The following KLHL22 variants were observed in gnomAD, a reference collection of about 807,000 sequenced individuals.
KLHL22 encodes the protein kelch-like protein 22.
KLHL22 carries 18 observed loss-of-function variants against 60.7 expected under a neutral mutation model. The ratio of observed to expected loss-of-function variants is 0.30; its 90% confidence interval spans 0.20 to 0.44. The LOEUF is 0.44. Ranked by LOEUF, KLHL22 falls within the 20% of genes least tolerant of loss-of-function variation. KLHL22 has a pLI of 1.00. For missense variants in KLHL22, 596 were observed against 852.3 expected (o/e 0.70, Z 3.74); for synonymous variants, 355 against 354.5 (o/e 1.00, Z -0.01).
intron 2 of KLHL22, chr22:20,484,055 GC>G: frequency 1.0e-6 from 1 of 965,816 alleles, no homozygotes; most frequent in Non-Finnish European, 1.6e-6. Context: ...CCTGGACAGA[GC>G]CCAGGGACCA....
Position 20,465,283 on chromosome 22 carries a change from A to C in KLHL22, c.687T>G (p.Ala229=), listed in dbSNP as rs553078773. The change falls in exon 4 of 7, where the codon GCT becomes GCG. Residue 229 remains alanine (A), a synonymous_variant. Transcript: ENST00000328879. This position sits in a 1 kb window ranked among gnomAD's most constrained non-coding sequence, Gnocchi z 4.9. The part of the protein sequence containing the change: ...LYHYSLEQVQ[A]DQISLHEPPK... ...GGGGCTCGTGCAGCGAGATCTGGTC[A>C]GCCTGCACCTGCTCCAGGCTATAAT... 6.8e-6 allele frequency: 11 copies of C among 1,614,098 alleles called. No homozygotes were observed. In the South Asian group the frequency reaches 9.9e-5, roughly 14 times the overall value.
At chr22:20,452,537 G>T (rs1911906858) in intron 5 of KLHL22, among the ~76,000 whole-genome samples, 2 of 152,182 alleles carry the variant, frequency 1.3e-5, no homozygotes, top group Admixed American at 1.3e-4. Context: ...TTCTTTGAAT[G>T]ATCTTTTTAT....
At chr22:20,483,221 T>C (rs1480584593) in intron 2 of KLHL22, 2 of 673,602 alleles carry the variant, frequency 3.0e-6, no homozygotes, top group South Asian at 1.5e-5. Context: ...AACTCCGTGA[T>C]TGTCATCTCA....
At position 20,461,285 on chromosome 22, in the gene KLHL22, G is replaced by A. The variant is rs921723685; in HGVS notation, c.1113-3285C>T. Among the ~76,000 whole-genome samples, 5 of 152,272 alleles carry A rather than the reference G, an allele frequency of 3.3e-5. No individual in the cohort carries two copies. In the East Asian group the frequency reaches 9.6e-4, roughly 29 times the overall value. ...TCATTAGACTGTGGCCAGGCACGGT[G>A]GCTCACGCCTGTAATCCCAGCACTT... On this transcript the variant is annotated intron_variant, in intron 4 of 6. Transcript: ENST00000328879.
intron 5 of KLHL22, among the ~76,000 whole-genome samples, chr22:20,447,476 G>A (rs1020233335): frequency 2.0e-5 from 3 of 152,112 alleles, no homozygotes; most frequent in East Asian, 1.9e-4. Flanking sequence ...CAGTGGGGAG[G>A]AAGAACACAC....
chr22:20,465,130 C>T lies in KLHL22; in HGVS notation c.840G>A (p.Glu280=). The T allele has an allele frequency of 6.2e-7, 1 of 1,613,988 alleles. No individual in the cohort carries two copies. Among genetic ancestry groups the T allele is most frequent in the Non-Finnish European group, 8.5e-7 (1 of 1,180,040 alleles). The change falls in exon 4 of 7, where the codon GAG becomes GAA. Residue 280 remains glutamate (E), a synonymous_variant. Coordinates refer to ENST00000328879, the MANE Select transcript of KLHL22 (RefSeq NM_032775.4). This position sits in a 1 kb window ranked among gnomAD's most constrained non-coding sequence, Gnocchi z 4.9. ...VASALMYHRN[E]SLQPSLQSPQ... is the part of the protein sequence containing the mutation. ...GGCTCTGCAGGCTGGGCTGTAGGCT[C>T]TCGTTCCGGTGGTACATGAGGGCGC...
At chr22:20,487,888 C>T (rs896140962) in intron 2 of KLHL22, among the ~76,000 whole-genome samples, 2 of 152,186 alleles carry the variant, frequency 1.3e-5, no homozygotes, top group African/African-American at 4.8e-5. Flanking sequence ...TGGCCATCCT[C>T]TCCTATACAG....
intron 3 of KLHL22, among the ~76,000 whole-genome samples, chr22:20,470,681 TG>T (rs1265176507): frequency 1.3e-5 from 1 of 78,982 alleles, no homozygotes. Flanking sequence ...GATGGATGGG[TG>T]GATGGATGGA....
chr22:20,461,509 C>T (rs946931500), intron 4 of KLHL22, among the ~76,000 whole-genome samples: 10 of 127,344 alleles, frequency 7.9e-5, no homozygotes, highest in South Asian at 2.5e-4. Context: ...GCTGAGATCA[C>T]GCCACTGCAC....
chr22:20,447,544 C>CTTTTTT (rs11463939), intron 5 of KLHL22, among the ~76,000 whole-genome samples: 8 of 135,444 alleles, frequency 5.9e-5, no homozygotes, highest in East Asian at 4.5e-4. Context: ...GGAGGTTTTT[C>CTTTTTT]TTTTTTTTTT....
intron 6 of KLHL22, among the ~76,000 whole-genome samples, chr22:20,445,353 G>A (rs5753167): frequency 0.065 from 9,859 of 151,632 alleles, 822 homozygotes; most frequent in East Asian, 0.46. Flanking sequence ...GATTACAGGC[G>A]CCCATCACCG....
At chr22:20,478,730 G>C (rs1737672421) in intron 2 of KLHL22, among the ~76,000 whole-genome samples, 1 of 146,980 alleles carries the variant, frequency 6.8e-6, no homozygotes, top group African/African-American at 2.5e-5. Flanking sequence ...TAGCCAGGAT[G>C]GTCTCGATCT....
chr22:20,464,475 G>A (rs535342244), intron 4 of KLHL22, among the ~76,000 whole-genome samples: 20 of 152,264 alleles, frequency 1.3e-4, no homozygotes, highest in African/African-American at 4.8e-4. Flanking sequence ...GCATGATGGA[G>A]GGCGAGGCTG....
chr22:20,485,995 T>G (rs182041468), intron 2 of KLHL22, among the ~76,000 whole-genome samples: 5 of 151,096 alleles, frequency 3.3e-5, no homozygotes, highest in African/African-American at 1.2e-4. Context: ...GGTGAAACCC[T>G]GTCTCTACTA....
rs1437084842 is a variant in KLHL22, at chr22:20,470,161, AG to A, written c.393+1188del. Among the ~76,000 whole-genome samples, 6 of 149,022 alleles carry A rather than the reference AG, an allele frequency of 4.0e-5. No individual in the cohort carries two copies. The East Asian group carries it at 9.7e-4, about 24-fold the overall frequency. On this transcript the variant is annotated intron_variant, in intron 3 of 6. Transcript: ENST00000328879. ...TGAGACCAGCCTGGGCAACATAACA[AG>A]GCCCCATTCCTATAAAAAAATATAT...
At chr22:20,461,337 A>C (rs779495467) in intron 4 of KLHL22, among the ~76,000 whole-genome samples, 4 of 150,982 alleles carry the variant, frequency 2.6e-5, no homozygotes, top group Non-Finnish European at 5.9e-5. Context: ...GAGGATCATG[A>C]GGTCAGGAGA....
At chr22:20,488,679 T>TAAGGGAGGGGAGGGGAGGGGAGAGG in intron 2 of KLHL22, 1 of 214,840 alleles carries the variant, frequency 4.7e-6, no homozygotes, top group Admixed American at 6.3e-5. Context: ...GGAGGAATGG[T>TAAGGGAGGGGAGGGGAGGGGAGAGG]AAGGGAGGGG....
rs376107049 is a variant in KLHL22, at chr22:20,484,019, G to A, written c.227+4966C>T. 7.8e-5 allele frequency: 59 copies of A among 755,078 alleles called. No individual in the cohort carries two copies. The African/African-American group carries it at 1.0e-3, about 13-fold the overall frequency. The allele number at this position is 755,078 out of a possible 1,614,324, so 46.8% of individuals were successfully genotyped here. ...CTGCATAGACGCTGGCCACGCTGCT[G>A]ACCAGCCAGGCGCCATAGCTGGGAG... On this transcript the variant is annotated intron_variant, in intron 2 of 6. Coordinates refer to ENST00000328879, the MANE Select transcript of KLHL22 (RefSeq NM_032775.4).
intron 4 of KLHL22, among the ~76,000 whole-genome samples, chr22:20,461,955 A>G (rs1010442891): frequency 6.6e-6 from 1 of 152,088 alleles, no homozygotes; most frequent in Non-Finnish European, 1.5e-5. Context: ...AAAATTAGCC[A>G]GGCATGGTGG....
Sources: allele counts gnomAD v4.1 joint callset (sites outside exome capture counted in the v4.1 genomes callset), GRCh38; gene constraint gnomAD v4.1.1; non-coding constraint Gnocchi (gnomAD v3.1); transcripts MANE v1.5; gene names NCBI Gene and HGNC (gene_info 2026-07-23, HGNC 2026-07-21).